MICAL2: variants seen among roughly 807,000 people sequenced by gnomAD.
MICAL2 encodes the protein microtubule associated monooxygenase, calponin and LIM domain containing 2.
In MICAL2, 77 loss-of-function variants were observed where a neutral mutation model predicts 127.3. The ratio of observed to expected loss-of-function variants is 0.60; its 90% CI spans 0.50 to 0.73. The LOEUF is 0.73. Ranked by LOEUF, MICAL2 falls within the 30% of genes least tolerant of loss-of-function variation. The probability of loss-of-function intolerance (pLI) is 0.00; values close to 1 mark genes in which losing one functional copy is unlikely to be tolerated. For missense variants in MICAL2, 1,351 were observed against 1,434.4 expected, an observed-to-expected ratio of 0.94 and a Z score of 0.94; for synonymous variants, 570 against 551.1, an observed-to-expected ratio of 1.03 and a Z score of -0.48.
downstream of MICAL2, among the ~76,000 whole-genome samples, chr11:12,264,638 G>A (rs1863537474): frequency 6.6e-6 from 1 of 152,172 alleles, no homozygotes; most frequent in African/African-American, 2.4e-5. Flanking sequence ...CCAAATGGGT[G>A]TTCCTGAGGC....
chr11:12,123,628 C>T (rs1850683359), intron 1 of MICAL2, among the ~76,000 whole-genome samples: 1 of 152,220 alleles, frequency 6.6e-6, no homozygotes, highest in Admixed American at 6.5e-5. Flanking sequence ...TATGCCACAG[C>T]TGCATCCCGG....
At chr11:12,231,970 C>G (rs1259959541) in intron 15 of MICAL2, among the ~76,000 whole-genome samples, 2 of 152,200 alleles carry the variant, frequency 1.3e-5, no homozygotes, top group African/African-American at 2.4e-5. Context: ...TGCTGGGGGT[C>G]TGGCAAATGT....
At chr11:12,123,465 G>A (rs536653981) in intron 1 of MICAL2, among the ~76,000 whole-genome samples, 7 of 152,262 alleles carry the variant, frequency 4.6e-5, no homozygotes, top group Admixed American at 3.3e-4. Context: ...TTACCAGAAG[G>A]CATCAATGAA....
At chr11:12,209,014 C>T (rs907270689) in intron 5 of MICAL2, among the ~76,000 whole-genome samples, 1 of 127,484 alleles carries the variant, frequency 7.8e-6, no homozygotes, top group African/African-American at 3.5e-5. Context: ...AGCCAGGCTT[C>T]ACCTGATTTT....
chr11:12,137,112 C>G (rs916414927), intron 1 of MICAL2, among the ~76,000 whole-genome samples: 1 of 152,244 alleles, frequency 6.6e-6, no homozygotes. Context: ...CAGCACCGAG[C>G]CTGCAGCACA....
At chr11:12,296,771 A>C (rs2134795919), downstream of MICAL2, among the ~76,000 whole-genome samples, 1 of 151,682 alleles carries the variant, frequency 6.6e-6, no homozygotes, top group South Asian at 2.1e-4. Context: ...TATATACTAT[A>C]TTTTTTCTTT....
Position 12,256,884 on chromosome 11 carries a change from G to A in MICAL2, c.3055G>A (p.Gly1019Ser), listed in dbSNP as rs1363363311. The A allele has an allele frequency of 1.2e-6, 2 of 1,614,076 alleles. No individual in the cohort carries two copies. The highest frequency in any genetic ancestry group is 1.1e-5 in the South Asian group (1 of 91,090). Residue 1019 changes from glycine (G) to serine (S), a missense_variant, in exon 24 of 28, where the codon GGC (glycine) becomes AGC (serine). Transcript: ENST00000683283. ...CGTGATGGAACGGCTGAGCGCCGAG[G>A]GCCACTTCTTCCACCGGGAGTGTTT... ...VYVMERLSAE[G>S]HFFHRECFRC...
chr11:12,212,949 A>G (rs954427), intron 6 of MICAL2, among the ~76,000 whole-genome samples: 57,706 of 152,076 alleles, frequency 0.38, 12,217 homozygotes, highest in Non-Finnish European at 0.49. Context: ...GAGTGTATCT[A>G]GCAACAATGC....
intron 2 of MICAL2, 26 bp from the exon 3 acceptor site, chr11:12,162,053 A>T (rs1417349833): frequency 6.5e-7 from 1 of 1,529,190 alleles, no homozygotes. Context: ...TCCAAAGCTG[A>T]CCTCTGCCTC....
intron 32 of MICAL2, among the ~76,000 whole-genome samples, chr11:12,336,293 A>G (rs1342270758): frequency 6.6e-6 from 1 of 152,184 alleles, no homozygotes; most frequent in Non-Finnish European, 1.5e-5. Context: ...TGATTTTTGC[A>G]CATTGATTTT....
At chr11:12,159,681 CA>C (rs1335035253) in intron 2 of MICAL2, among the ~76,000 whole-genome samples, 1 of 152,244 alleles carries the variant, frequency 6.6e-6, no homozygotes, top group Non-Finnish European at 1.5e-5. Context: ...CCAGCCACTG[CA>C]GCCTTTGTTC....
chr11:12,348,408 G>A (rs1938991046), intron 32 of MICAL2, among the ~76,000 whole-genome samples: 1 of 152,106 alleles, frequency 6.6e-6, no homozygotes, highest in Non-Finnish European at 1.5e-5. Context: ...GATTTGAAGA[G>A]CTGACCATAC....
chr11:12,356,017 T>C (rs979113336), intron 34 of MICAL2, among the ~76,000 whole-genome samples: 8 of 152,226 alleles, frequency 5.3e-5, no homozygotes, highest in Non-Finnish European at 1.2e-4. Context: ...TATACCTAAC[T>C]TAATAAACCA....
intron 1 of MICAL2, among the ~76,000 whole-genome samples, chr11:12,135,803 A>T (rs982885050): frequency 5.9e-5 from 9 of 152,094 alleles, no homozygotes; most frequent in African/African-American, 2.2e-4. Context: ...CTTTGTCCAC[A>T]GTCTGGGGAG....
At chr11:12,304,032 CA>C (rs1379797228) in intron 29 of MICAL2, among the ~76,000 whole-genome samples, 1 of 151,988 alleles carries the variant, frequency 6.6e-6, no homozygotes, top group Admixed American at 6.6e-5. Flanking sequence ...TGGTCACAAA[CA>C]AATAAACAAA....
chr11:12,190,939 T>C (rs1859015499), intron 3 of MICAL2, among the ~76,000 whole-genome samples: 1 of 152,262 alleles, frequency 6.6e-6, no homozygotes, highest in Admixed American at 6.5e-5. Context: ...AGTATCTTCT[T>C]AAATATAGAC....
chr11:12,248,134 G>T (rs1243105448), intron 21 of MICAL2, among the ~76,000 whole-genome samples: 1 of 152,166 alleles, frequency 6.6e-6, no homozygotes, highest in Non-Finnish European at 1.5e-5. Flanking sequence ...CCAAGACAGG[G>T]AGCCAGGGCT....
At chr11:12,174,601 T>C (rs758328491) in intron 3 of MICAL2, among the ~76,000 whole-genome samples, 1 of 152,174 alleles carries the variant, frequency 6.6e-6, no homozygotes, top group Non-Finnish European at 1.5e-5. Context: ...CCTTGTTTTT[T>C]TTTTTCTGCT....
At chr11:12,317,189 C>A (rs1410992798) in intron 29 of MICAL2, among the ~76,000 whole-genome samples, 1 of 152,170 alleles carries the variant, frequency 6.6e-6, no homozygotes, top group Non-Finnish European at 1.5e-5. Flanking sequence ...CTCAGCCTGC[C>A]CAAACTTTCA....
Sources: gnomAD v4.1 joint callset for allele counts (sites outside exome capture counted in the v4.1 genomes callset) on GRCh38, gnomAD v4.1.1 for gene constraint, MANE v1.5 for transcripts, NCBI Gene and HGNC (gene_info 2026-07-23, HGNC 2026-07-21) for gene names.